FBXW4: variants seen among roughly 807,000 people sequenced by gnomAD.
FBXW4 encodes the protein F-box/WD repeat-containing protein 4.
FBXW4 carries 40 observed loss-of-function variants against 61.8 expected under a neutral mutation model. The observed-to-expected ratio is 0.65, with a 90% CI of 0.50 to 0.84. The LOEUF (loss-of-function observed/expected upper bound fraction) is 0.84. Ranked by LOEUF, FBXW4 falls within the 40% of genes least tolerant of loss-of-function variation. The pLI is 0.00. For synonymous variants in FBXW4, 311 were observed against 313.8 expected, an observed-to-expected ratio of 0.99 and a Z score of 0.10; for missense variants, 672 against 753.8, an observed-to-expected ratio of 0.89 and a Z score of 1.27.
At chr10:101,649,952 G>A (rs1011847778) in intron 5 of FBXW4, among the ~76,000 whole-genome samples, 5 of 152,196 alleles carry the variant, frequency 3.3e-5, no homozygotes, top group African/African-American at 1.2e-4. Flanking sequence ...CTGACTTCCT[G>A]ACTCCAGGTA....
At chr10:101,682,670 A>T (rs1190932617) in intron 1 of FBXW4, among the ~76,000 whole-genome samples, 1 of 152,168 alleles carries the variant, frequency 6.6e-6, no homozygotes. Context: ...CTGCCATGTG[A>T]CACTTTACTA....
chr10:101,649,446 G>A (rs1329290934), intron 5 of FBXW4, among the ~76,000 whole-genome samples: 2 of 151,978 alleles, frequency 1.3e-5, no homozygotes, highest in African/African-American at 4.8e-5. Flanking sequence ...TGGAAGAGAA[G>A]GAAAGGGAGG....
chr10:101,691,333 A>C (rs1352715478), intron 1 of FBXW4, among the ~76,000 whole-genome samples: 4 of 152,146 alleles, frequency 2.6e-5, no homozygotes, highest in Non-Finnish European at 5.9e-5. Context: ...AACGGACCAC[A>C]CTGGTAAACA....
intron 5 of FBXW4, among the ~76,000 whole-genome samples, chr10:101,654,112 T>G (rs2064166469): frequency 9.8e-6 from 1 of 101,784 alleles, no homozygotes; most frequent in African/African-American, 4.2e-5. Flanking sequence ...AGAGCGAGAC[T>G]CCGTCTTAAA....
At chr10:101,658,750 C>T (rs992747429) in intron 5 of FBXW4, among the ~76,000 whole-genome samples, 1 of 151,956 alleles carries the variant, frequency 6.6e-6, no homozygotes, top group Admixed American at 6.6e-5. Context: ...CTCATTATTG[C>T]CTTTTTTACT....
At position 101,694,020 on chromosome 10, in the gene FBXW4, A is replaced by G. The variant is rs546475135; in HGVS notation, c.725+361T>C. ...TAGACCTGGACTCAAGGAATCGTCC[A>G]AAGCACCGTACCAGACTGGCTCCTC... On this transcript the variant is annotated intron_variant, in intron 1 of 8. Coordinates refer to ENST00000331272, the MANE Select transcript of FBXW4 (RefSeq NM_022039.4). The surrounding 1 kb of genome is among the most constrained non-coding windows in gnomAD (Gnocchi z 6.0). Among the ~76,000 whole-genome samples, 1 of 152,346 alleles carries G rather than the reference A, an allele frequency of 6.6e-6. No individual in the cohort carries two copies. The highest frequency in any genetic ancestry group is 2.4e-5 in the African/African-American group (1 of 41,580).
rs1461476396 is a variant in FBXW4, at chr10:101,694,526, T to C, written c.580A>G (p.Ile194Val). 2 of 1,506,532 alleles carry C rather than the reference T, an allele frequency of 1.3e-6. No homozygotes were observed. Among genetic ancestry groups the C allele is most frequent in the Non-Finnish European group, 1.8e-6 (2 of 1,136,560 alleles). 93.3% of individuals were successfully genotyped at this position (1,506,532 alleles called of 1,614,324 possible). ...WRLPEELLLL[I>V]CSYLDMRALG... ...GCCCGCATGTCCAGGTAGGAGCAGA[T>C]GAGCAGCAGCAGCTCCTCCGGCAGG... Residue 194 changes from isoleucine (I) to valine (V), a missense_variant, in exon 1 of 9, where the codon ATC becomes GTC. Around this residue, in one of 5 missense-constraint regions of FBXW4, gnomAD observed 311 missense variants for 301.1 expected, o/e 1.03. Coordinates refer to ENST00000331272, the MANE Select transcript of FBXW4 (RefSeq NM_022039.4). This position sits in a 1 kb window ranked among gnomAD's most constrained non-coding sequence, Gnocchi z 6.0.
At chr10:101,635,026 C>T (rs918741756) in intron 5 of FBXW4, among the ~76,000 whole-genome samples, 2 of 149,160 alleles carry the variant, frequency 1.3e-5, no homozygotes, top group Non-Finnish European at 3.0e-5. Context: ...GCAACCAGGA[C>T]GCACAGTAGG....
At chr10:101,654,053 G>A (rs375010282) in intron 5 of FBXW4, among the ~76,000 whole-genome samples, 3 of 149,294 alleles carry the variant, frequency 2.0e-5, no homozygotes, top group South Asian at 2.1e-4. Context: ...CCCTGGAGGC[G>A]GAAGTTGCAG....
chr10:101,628,275 T>C (rs577271692), intron 5 of FBXW4, among the ~76,000 whole-genome samples: 2 of 152,204 alleles, frequency 1.3e-5, no homozygotes, highest in South Asian at 4.1e-4. Flanking sequence ...TCCCATCTCT[T>C]CCCTCAGGGG....
At chr10:101,656,975 G>A (rs1206739120) in intron 5 of FBXW4, among the ~76,000 whole-genome samples, 1 of 152,088 alleles carries the variant, frequency 6.6e-6, no homozygotes, top group Non-Finnish European at 1.5e-5. Context: ...ACCATGAAAA[G>A]GAAAGCTTCT....
chr10:101,627,556 T>C (rs1162875120), intron 5 of FBXW4, among the ~76,000 whole-genome samples: 1 of 151,866 alleles, frequency 6.6e-6, no homozygotes, highest in Admixed American at 6.6e-5. Context: ...CCCATGGTCA[T>C]TAGGAAGAAT....
chr10:101,663,434 T>C (rs1229543600), intron 5 of FBXW4, among the ~76,000 whole-genome samples: 1 of 152,240 alleles, frequency 6.6e-6, no homozygotes, highest in Non-Finnish European at 1.5e-5. Flanking sequence ...CATACTTTAG[T>C]ATTTACTGTA....
intron 5 of FBXW4, chr10:101,626,866 G>C (rs1356400471): frequency 6.6e-6 from 1 of 152,264 alleles, no homozygotes. Context: ...AATAGAGAGG[G>C]GAGCAACTTT....
At chr10:101,646,798 T>C (rs1336835750) in intron 5 of FBXW4, among the ~76,000 whole-genome samples, 2 of 152,198 alleles carry the variant, frequency 1.3e-5, no homozygotes, top group Non-Finnish European at 2.9e-5. Flanking sequence ...CTGGGGTATT[T>C]AGTTGGTTTG....
chr10:101,668,048 G>C, intron 4 of FBXW4, 68 bp from the exon 5 acceptor site: 2 of 1,210,794 alleles, frequency 1.7e-6, no homozygotes, highest in Non-Finnish European at 2.5e-6. Flanking sequence ...AGGTGCTCCG[G>C]GAGAGGTGAC....
intron 4 of FBXW4, among the ~76,000 whole-genome samples, chr10:101,669,163 C>T (rs1175144669): frequency 6.6e-6 from 1 of 151,980 alleles, no homozygotes; most frequent in Admixed American, 6.6e-5. Context: ...TTACTTTTCC[C>T]AACACAGTGA....
At chr10:101,613,411 G>A (rs987501542) in intron 6 of FBXW4, among the ~76,000 whole-genome samples, 2 of 152,246 alleles carry the variant, frequency 1.3e-5, no homozygotes, top group Non-Finnish European at 2.9e-5. Flanking sequence ...GCGCCCTCCA[G>A]GCCTGATGCC....
chr10:101,692,773 A>G (rs2134928644), intron 1 of FBXW4, among the ~76,000 whole-genome samples: 1 of 151,516 alleles, frequency 6.6e-6, no homozygotes, highest in African/African-American at 2.4e-5. Context: ...AAAAAATCAA[A>G]TTTGTAAGAA....
Sources: gnomAD v4.1 joint callset for allele counts (sites outside exome capture counted in the v4.1 genomes callset) on GRCh38, gnomAD v4.1.1 for gene constraint, gnomAD v4.1.1 regional missense constraint, Gnocchi (gnomAD v3.1) non-coding constraint, MANE v1.5 for transcripts, NCBI Gene and HGNC (gene_info 2026-07-23, HGNC 2026-07-21) for gene names.